GBP7: variants seen among roughly 807,000 people sequenced by gnomAD.
The protein encoded by GBP7 is guanylate-binding protein 7.
Under a neutral mutation model 61.3 loss-of-function variants are expected in GBP7, and 43 were observed. The ratio of observed to expected loss-of-function variants is 0.70; its 90% confidence interval spans 0.55 to 0.91. The LOEUF is 0.91. Among genes scored for constraint, GBP7 ranks in the 40% least tolerant of loss-of-function variants. GBP7 has a pLI of 0.00. For synonymous variants in GBP7, 267 were observed against 271.0 expected, an observed-to-expected ratio of 0.99 and a Z score of 0.14; for missense variants, 717 against 740.5, an observed-to-expected ratio of 0.97 and a Z score of 0.37.
chr1:89,169,315 T>C (rs893259481), intron 2 of GBP7, among the ~76,000 whole-genome samples: 5 of 152,200 alleles, frequency 3.3e-5, no homozygotes, highest in Non-Finnish European at 7.3e-5. Flanking sequence ...CTCTATTTAA[T>C]TGGCTTAAAG....
chr1:89,147,977 C>T (rs1038996518), intron 7 of GBP7, among the ~76,000 whole-genome samples, 198 bp from the exon 8 acceptor site: 1 of 152,186 alleles, frequency 6.6e-6, no homozygotes, highest in Non-Finnish European at 1.5e-5. Context: ...TGAACTCTAT[C>T]TTTCCTTCAG....
At chr1:89,146,983 A>G (rs1369464289) in intron 8 of GBP7, among the ~76,000 whole-genome samples, 2 of 152,210 alleles carry the variant, frequency 1.3e-5, no homozygotes, top group African/African-American at 4.8e-5. Flanking sequence ...GTGTCATAGG[A>G]AATTTATTAG....
intron 8 of GBP7, among the ~76,000 whole-genome samples, chr1:89,142,959 A>G (rs954655192): frequency 6.6e-6 from 1 of 152,172 alleles, no homozygotes; most frequent in Admixed American, 6.5e-5. Flanking sequence ...GTTGATGGAC[A>G]TTAGGGTAAA....
chr1:89,161,486 A>C (rs1647266536), intron 3 of GBP7, among the ~76,000 whole-genome samples: 1 of 151,886 alleles, frequency 6.6e-6, no homozygotes, highest in Non-Finnish European at 1.5e-5. Flanking sequence ...TGATCATGAT[A>C]GTATTGTGGT....
At chr1:89,174,498 C>A (rs1236120968) in intron 1 of GBP7, among the ~76,000 whole-genome samples, 1 of 152,166 alleles carries the variant, frequency 6.6e-6, no homozygotes, top group Non-Finnish European at 1.5e-5. Flanking sequence ...CTGAGCAAAG[C>A]TGAGCTCGCT....
In GBP7 at chr1:89,132,014, T is replaced by C; in HGVS notation, c.*135A>G. On this transcript the variant is annotated 3_prime_UTR_variant, in exon 11 of 11. Coordinates refer to ENST00000294671, the MANE Select transcript of GBP7 (RefSeq NM_207398.3). ...TTATTACTTTAGTCAAAATTAAGTT[T>C]GTTTTTATGAACTTCAGGCCATAAT... The C allele has an allele frequency of 1.7e-6, 1 of 577,838 alleles. No homozygotes were observed. Among genetic ancestry groups the C allele is most frequent in the Non-Finnish European group, 2.8e-6 (1 of 351,844 alleles). The allele number at this position is 577,838 out of a possible 1,614,324, so 35.8% of individuals were successfully genotyped here. A position where few individuals can be genotyped will look rare whatever the true frequency, so the allele number is the denominator to read the frequency against.
At chr1:89,144,953 T>G (rs1177102079) in intron 8 of GBP7, among the ~76,000 whole-genome samples, 3 of 9,996 alleles carry the variant, frequency 3.0e-4, no homozygotes, top group African/African-American at 2.1e-3. Context: ...ACTTTCACTC[T>G]TTTTTTTTTT....
chr1:89,133,592 G>C, intron 9 of GBP7, 141 bp from the exon 10 acceptor site: 1 of 659,604 alleles, frequency 1.5e-6, no homozygotes, highest in East Asian at 2.7e-5. Context: ...CTCCAAGCAG[G>C]ACTTCAGAAG....
chr1:89,138,540 AT>A (rs1189420843), intron 9 of GBP7, among the ~76,000 whole-genome samples: 79 of 152,308 alleles, frequency 5.2e-4, no homozygotes, highest in Non-Finnish European at 3.4e-4. Flanking sequence ...ACCTACAACT[AT>A]CTGATCTTTG....
rs1682233124 is a variant in GBP7 at position 89,152,776 on chromosome 1, C to T, written c.320G>A (p.Ser107Asn). The T allele has an allele frequency of 2.0e-6, 3 of 1,491,964 alleles. No homozygotes were observed. Among genetic ancestry groups the T allele is most frequent in the Non-Finnish European group, 2.7e-6 (3 of 1,102,598 alleles). The allele number at this position is 1,491,964 out of a possible 1,614,324, so 92.4% of individuals were successfully genotyped here. A position where few individuals can be genotyped will look rare whatever the true frequency, so the allele number is the denominator to read the frequency against. Residue 107 changes from serine to asparagine, a missense_variant and splice_region_variant, in exon 4 of 11, where the codon AGT becomes AAT. Coordinates refer to ENST00000294671, the MANE Select transcript of GBP7 (RefSeq NM_207398.3). Reference protein sequence around the residue: ...DTEGLGDMEKSDPKSDSWIFA... With the variant: ...DTEGLGDMEKNDPKSDSWIFA... ...GATCCACGAGTCACTCTTAGGGTCA[C>T]TCTAGTGTTAAAGAAAAAAAAAAAA...
At chr1:89,157,240 T>C (rs1346306118) in intron 3 of GBP7, among the ~76,000 whole-genome samples, 1 of 151,916 alleles carries the variant, frequency 6.6e-6, no homozygotes, top group Non-Finnish European at 1.5e-5. Flanking sequence ...TAAATGCCCA[T>C]AAGAAAAAGC....
intron 2 of GBP7, among the ~76,000 whole-genome samples, chr1:89,168,974 TAA>T (rs374172595): frequency 2.6e-4 from 18 of 68,418 alleles, no homozygotes; most frequent in Middle Eastern, 6.6e-3. Flanking sequence ...CGCCTCAAGT[TAA>T]AAAAAAAACA....
rs144919465 is a variant in GBP7 at position 89,167,423 on chromosome 1, G to A, written c.191-2565C>T. ...ACATTGTCCTTCTGGTGAGTACTCT[G>A]TGTTTTTTTGTTTGTTTGTTTGTTT... is the stretch of plus-strand genomic sequence containing the variant. On this transcript the variant is annotated intron_variant, in intron 2 of 10. Coordinates refer to ENST00000294671, the MANE Select transcript of GBP7 (RefSeq NM_207398.3). Among the ~76,000 whole-genome samples the A allele has an allele frequency of 2.6e-5, 4 of 151,098 alleles. No individual in the cohort carries two copies. The Middle Eastern group carries it at 0.01, about 385-fold the overall frequency.
chr1:89,132,709 T>G (rs149984923), intron 10 of GBP7, among the ~76,000 whole-genome samples: 1 of 152,290 alleles, frequency 6.6e-6, no homozygotes, highest in African/African-American at 2.4e-5. Context: ...TCCACCGATA[T>G]AGCAAGGCCA....
chr1:89,170,965 C>T (rs924185109), intron 2 of GBP7, among the ~76,000 whole-genome samples: 1 of 152,170 alleles, frequency 6.6e-6, no homozygotes, highest in Non-Finnish European at 1.5e-5. Context: ...TCCTGTAAAC[C>T]AATGAACTTT....
In GBP7 at chr1:89,150,527, C is replaced by A. The variant is rs756882736; in HGVS notation, c.674G>T (p.Arg225Met). ...GCACTTCTGTTTTGGAAAGAAATGC[C>A]TGATCCACTCCCTGGGCTTGTTAGA... Reference protein sequence around the residue: ...QNSNKPREWIRHFFPKQKCFV... With the variant: ...QNSNKPREWIMHFFPKQKCFV... The change falls in exon 6 of 11, where the codon AGG becomes ATG. Residue 225 changes from arginine (R) to methionine (M), a missense_variant. This residue lies in a region of GBP7 where 387 missense variants were observed against 385.2 expected (regional missense o/e 1.00). Transcript: ENST00000294671. The A allele has an allele frequency of 6.7e-5, 108 of 1,613,794 alleles. No individual in the cohort carries two copies. Among genetic ancestry groups the A allele is most frequent in the Non-Finnish European group, 8.7e-5 (103 of 1,179,792 alleles).
intron 2 of GBP7, among the ~76,000 whole-genome samples, chr1:89,165,865 A>G (rs1373207888): frequency 6.6e-6 from 1 of 152,102 alleles, no homozygotes; most frequent in Non-Finnish European, 1.5e-5. Flanking sequence ...GTGTATACCT[A>G]CGTAAGAAAC....
rs748450323 is a variant in GBP7 at position 89,142,081 on chromosome 1, A to ATTATTTATTTATTTATTTATTTAT, written c.1366-434_1366-433insATAAATAAATAAATAAATAAATAA. 2.7e-4 allele frequency among the ~76,000 whole-genome samples: 41 copies of ATTATTTATTTATTTATTTATTTAT among 152,306 alleles called. 2 individuals are homozygous for ATTATTTATTTATTTATTTATTTAT. Among genetic ancestry groups the ATTATTTATTTATTTATTTATTTAT allele is most frequent in the Admixed American group, 7.8e-4 (12 of 15,298 alleles). On this transcript the variant is annotated intron_variant, in intron 8 of 10. Coordinates refer to ENST00000294671, the MANE Select transcript of GBP7 (RefSeq NM_207398.3). ...CCTCACTGGAAGCTTTTCTAGGCTAATTATTTATTTATTTATTTACTTTTG... is the reference window on the plus strand; with the variant it reads ...CCTCACTGGAAGCTTTTCTAGGCTAATTATTTATTTATTTATTTATTTATTTATTTATTTATTTATTTACTTTTG...
intron 3 of GBP7, among the ~76,000 whole-genome samples, chr1:89,160,834 G>A (rs544983040): frequency 6.6e-6 from 1 of 152,202 alleles, no homozygotes; most frequent in African/African-American, 2.4e-5. Context: ...TTGTTACATA[G>A]GTAGACTTGT....
Sources: gnomAD v4.1 joint callset for allele counts (sites outside exome capture counted in the v4.1 genomes callset) on GRCh38, gnomAD v4.1.1 for gene constraint, gnomAD v4.1.1 regional missense constraint, MANE v1.5 for transcripts, NCBI Gene and HGNC (gene_info 2026-07-23, HGNC 2026-07-21) for gene names.